NPHP4: variants seen among roughly 807,000 people sequenced by gnomAD.
NPHP4 encodes nephrocystin-4.
In NPHP4, 151 loss-of-function variants were observed where a neutral mutation model predicts 155.8. The observed-to-expected ratio is 0.97, with a 90% CI of 0.85 to 1.11. NPHP4 has a LOEUF of 1.11. Ranked by LOEUF, NPHP4 falls within the 50% of genes least tolerant of loss-of-function variation. NPHP4 has a pLI of 0.00. For missense variants in NPHP4, 1,956 were observed against 1,925.7 expected (o/e 1.02, Z -0.29); for synonymous variants, 845 against 816.8 (o/e 1.03, Z -0.59).
chr1:5,964,866 A>C (rs1651052288), intron 5 of NPHP4, among the ~76,000 whole-genome samples: 1 of 145,516 alleles, frequency 6.9e-6, no homozygotes, highest in South Asian at 2.1e-4. Context: ...TTTTATATAT[A>C]TATAACACAC....
At chr1:5,916,361 A>G (rs1164559748) in intron 11 of NPHP4, among the ~76,000 whole-genome samples, 1 of 152,220 alleles carries the variant, frequency 6.6e-6, no homozygotes, top group Non-Finnish European at 1.5e-5. Flanking sequence ...AAGTATGAAA[A>G]GTTTCCATCA....
rs1182323572 is a variant in NPHP4 at position 5,867,243 on chromosome 1, G to C, written c.3473-128C>G. 1.5e-6 allele frequency: 1 copy of C among 677,934 alleles called. No homozygotes were observed. Among genetic ancestry groups the C allele is most frequent in the African/African-American group, 1.8e-5 (1 of 55,804 alleles). 42.0% of individuals were successfully genotyped at this position (677,934 alleles called of 1,614,324 possible). A position where few individuals can be genotyped will look rare whatever the true frequency, so the allele number is the denominator to read the frequency against. On this transcript the variant is annotated intron_variant, in intron 24 of 29. Transcript: ENST00000378156. The surrounding 1 kb of genome is among the most constrained non-coding windows in gnomAD (Gnocchi z 4.1). ...GGTGCTCAGCAAGACACCTGCTGGG[G>C]AAACGGACGCCGCCACCTTTCCCAG...
At chr1:5,899,766 T>C (rs1247552747) in intron 16 of NPHP4, among the ~76,000 whole-genome samples, 1 of 152,086 alleles carries the variant, frequency 6.6e-6, no homozygotes, top group Non-Finnish European at 1.5e-5. Flanking sequence ...TGGACTTCAC[T>C]AAAATGAAAA....
intron 6 of NPHP4, among the ~76,000 whole-genome samples, chr1:5,956,069 G>A (rs550905817): frequency 4.7e-5 from 7 of 150,164 alleles, no homozygotes; most frequent in East Asian, 4.0e-4. Flanking sequence ...TGGGGGGGGG[G>A]GGTGCAGGGA....
At chr1:5,946,714 A>G (rs1011126373) in intron 9 of NPHP4, among the ~76,000 whole-genome samples, 1 of 152,252 alleles carries the variant, frequency 6.6e-6, no homozygotes, top group Admixed American at 6.5e-5. Flanking sequence ...AGACCAAGGC[A>G]GGGGGAGGAG....
chr1:5,941,289 C>CAAAAAAAAAAAAAAAAAAAAAAAAA (rs66676950), intron 9 of NPHP4, among the ~76,000 whole-genome samples: 5 of 44,758 alleles, frequency 1.1e-4, no homozygotes, highest in Admixed American at 3.2e-4. Flanking sequence ...GAGATCTAGA[C>CAAAAAAAAAAAAAAAAAAAAAAAAA]AAAAAAAAAA....
intron 2 of NPHP4, among the ~76,000 whole-genome samples, chr1:5,983,342 C>T (rs953280885): frequency 6.6e-6 from 1 of 152,176 alleles, no homozygotes. Context: ...ACTTAGATTT[C>T]AAGAGAGTTC....
chr1:5,914,257 CAAAAAAAAAAAAAAAAAA>C (rs575438284), intron 11 of NPHP4, among the ~76,000 whole-genome samples: 2 of 47,392 alleles, frequency 4.2e-5, no homozygotes, highest in African/African-American at 6.2e-5. Flanking sequence ...CTTATCTATA[CAAAAAAAAAAAAAAAAAA>C]AAAAAAAAAA....
chr1:5,909,248 G>A (rs186650394), intron 11 of NPHP4, 35 bp from the exon 12 acceptor site: 125 of 1,547,292 alleles, frequency 8.1e-5, no homozygotes, highest in Non-Finnish European at 9.6e-5. Flanking sequence ...GAGAGGGAAT[G>A]TGTCAGCCTG....
Position 5,863,389 on chromosome 1 carries a change from G to T in NPHP4, c.4157C>A (p.Thr1386Asn), listed in dbSNP as rs1255225068. 1 of 1,594,366 alleles carries T rather than the reference G, an allele frequency of 6.3e-7. No individual in the cohort carries two copies. The highest frequency in any genetic ancestry group is 2.3e-5 in the East Asian group (1 of 44,106). ...CGCAAACTGCAAGCCGATGGTGTAG[G>T]TCTCTCCACCCCCGACCTGGAAATA... ...EDSFQVGGGETYTIGLQFAPS... is the reference protein window; with the variant it reads ...EDSFQVGGGENYTIGLQFAPS... The change falls in exon 30 of 30, where the codon ACC becomes AAC. Residue 1386 changes from threonine (T) to asparagine (N), a missense_variant. Physicochemically the swap from Thr to Asn is moderately conservative, Grantham distance 65 (BLOSUM62 0). Coordinates refer to ENST00000378156, the MANE Select transcript of NPHP4 (RefSeq NM_015102.5).
chr1:5,972,768 G>A (rs913895297), intron 3 of NPHP4, among the ~76,000 whole-genome samples: 1 of 151,902 alleles, frequency 6.6e-6, no homozygotes, highest in Non-Finnish European at 1.5e-5. Flanking sequence ...ATAGGTTTTT[G>A]GGGAACAGGT....
intron 18 of NPHP4, chr1:5,886,876 A>G: frequency 5.8e-6 from 1 of 171,406 alleles, no homozygotes; most frequent in African/African-American, 2.4e-5. Context: ...TGGGCCGAGA[A>G]GAAATGCGCC....
rs115833169 is a variant in NPHP4, at chr1:5,974,856, G to A, written c.279+3414C>T. 7.1e-3 allele frequency among the ~76,000 whole-genome samples: 1,087 copies of A among 152,278 alleles called. 8 individuals are homozygous for A. Among genetic ancestry groups the A allele is most frequent in the African/African-American group, 0.024 (1,011 of 41,544 alleles). ...GCATGCAGGGTCCATGCGCTACCAC[G>A]TGGGGGCTGGACAGCCACGGGCGCT... On this transcript the variant is annotated intron_variant, in intron 3 of 29. Coordinates refer to ENST00000378156, the MANE Select transcript of NPHP4 (RefSeq NM_015102.5).
At chr1:5,935,646 G>T (rs181688981) in intron 9 of NPHP4, among the ~76,000 whole-genome samples, 19 of 152,278 alleles carry the variant, frequency 1.2e-4, no homozygotes, top group African/African-American at 4.6e-4. Flanking sequence ...AGGTCGAGGC[G>T]GGTGGATCAC....
intron 21 of NPHP4, 28 bp downstream of exon 21, chr1:5,874,846 G>T: frequency 6.3e-7 from 1 of 1,599,638 alleles, no homozygotes. Flanking sequence ...TCTGGGCTGG[G>T]GCAGGACGGG....
intron 1 of NPHP4, among the ~76,000 whole-genome samples, chr1:5,989,245 C>A (rs957662111): frequency 5.9e-5 from 9 of 152,160 alleles, no homozygotes; most frequent in African/African-American, 2.2e-4. Flanking sequence ...GACTTCTGAC[C>A]GGCCTAACTG....
chr1:5,938,635 G>A (rs1290333450), intron 9 of NPHP4, among the ~76,000 whole-genome samples: 1 of 152,232 alleles, frequency 6.6e-6, no homozygotes, highest in Non-Finnish European at 1.5e-5. Flanking sequence ...TCATTTAAAA[G>A]CTGAGTGAAA....
intron 20 of NPHP4, 87 bp downstream of exon 20, chr1:5,877,006 A>T: frequency 1.1e-6 from 1 of 925,458 alleles, no homozygotes; most frequent in Non-Finnish European, 1.4e-6. Flanking sequence ...GGTAAGAGAG[A>T]ATCATGTGGG....
At position 5,892,357 on chromosome 1, in the gene NPHP4, C is replaced by T. The variant is rs1005007177; in HGVS notation, c.2144-1329G>A. On this transcript the variant is annotated intron_variant, in intron 16 of 29. Coordinates refer to ENST00000378156, the MANE Select transcript of NPHP4 (RefSeq NM_015102.5). The surrounding 1 kb of genome is among the most constrained non-coding windows in gnomAD (Gnocchi z 4.5). ...CCCCGTGCCTAGCATGCTCCTGCCC[C>T]CCACTCCAGGAGCTCTCAGCATGCT... Among the ~76,000 whole-genome samples the T allele has an allele frequency of 2.0e-5, 3 of 152,088 alleles. No homozygotes were observed. Among genetic ancestry groups the T allele is most frequent in the South Asian group, 2.1e-4 (1 of 4,834 alleles).
Sources: gnomAD v4.1 joint callset for allele counts (sites outside exome capture counted in the v4.1 genomes callset) on GRCh38, gnomAD v4.1.1 for gene constraint, Gnocchi (gnomAD v3.1) non-coding constraint, MANE v1.5 for transcripts, NCBI Gene and HGNC (gene_info 2026-07-23, HGNC 2026-07-21) for gene names.